The following RHOBTB2 variants were observed in gnomAD, a reference collection of about 807,000 sequenced individuals.
RHOBTB2 encodes rho-related BTB domain-containing protein 2.
RHOBTB2 carries 39 observed loss-of-function variants against 66.5 expected under a neutral mutation model. The ratio of observed to expected loss-of-function variants is 0.59; its 90% CI spans 0.45 to 0.77. The LOEUF (loss-of-function observed/expected upper bound fraction) is 0.77. Ranked by LOEUF, RHOBTB2 falls within the 30% of genes least tolerant of loss-of-function variation. The pLI, the probability that RHOBTB2 is intolerant of heterozygous loss-of-function variation, is 0.00. For synonymous variants in RHOBTB2, 390 were observed against 395.0 expected (o/e 0.99, Z 0.15); for missense variants, 755 against 999.1 (o/e 0.76, Z 3.29).
At position 23,017,227 on chromosome 8, in the gene RHOBTB2, C is replaced by T. The variant is rs761394259; in HGVS notation, c.1967-25C>T. 2 of 1,612,948 alleles carry T rather than the reference C, an allele frequency of 1.2e-6. No homozygotes were observed. Among genetic ancestry groups the T allele is most frequent in the East Asian group, 2.2e-5 (1 of 44,838 alleles). Reference sequence around the variant, plus strand: ...TCTTGTCCCTCTGCCTCCTTTCTAACCAAGCTGCCTGCTCTCTGCTCCAGA... The same window carrying T: ...TCTTGTCCCTCTGCCTCCTTTCTAATCAAGCTGCCTGCTCTCTGCTCCAGA... On this transcript the variant is annotated intron_variant, in intron 9 of 9. Transcript: ENST00000251822. This position sits in a 1 kb window ranked among gnomAD's most constrained non-coding sequence, Gnocchi z 5.3.
At chr8:23,016,855 G>A (rs1367009513) in intron 9 of RHOBTB2, among the ~76,000 whole-genome samples, 3 of 152,128 alleles carry the variant, frequency 2.0e-5, no homozygotes, top group Non-Finnish European at 4.4e-5. Context: ...GTCCTGCTGT[G>A]TCCTGACTCC....
rs1273690245 is a variant in RHOBTB2 at position 23,006,633 on chromosome 8, C to T, written c.483-95C>T. On this transcript the variant is annotated intron_variant, in intron 4 of 9. Transcript: ENST00000251822. The surrounding 1 kb of genome is among the most constrained non-coding windows in gnomAD (Gnocchi z 6.1). ...GGGCAGGAGTGGGTGGGGATTGGCA[C>T]CCAGATCCTGAGCAGAGTCCCTCCA... 3.1e-6 allele frequency: 4 copies of T among 1,276,954 alleles called. No individual in the cohort carries two copies. Among genetic ancestry groups the T allele is most frequent in the African/African-American group, 1.5e-5 (1 of 67,270 alleles). The allele number at this position is 1,276,954 out of a possible 1,614,324, so 79.1% of individuals were successfully genotyped here.
At chr8:22,973,637 T>G in the RHOBTB2 span, among the ~76,000 whole-genome samples, 25,107 of 152,100 alleles carry the variant, frequency 0.17, 2,585 homozygotes, top group Middle Eastern at 0.24. Flanking sequence ...ACTTCCTCAC[T>G]GATGAAACGA....
the RHOBTB2 span, among the ~76,000 whole-genome samples, chr8:22,955,200 C>T: frequency 7.0e-4 from 106 of 152,254 alleles, 2 homozygotes; most frequent in African/African-American, 2.5e-3. Context: ...TCCACTTTCC[C>T]AGAATGTATA....
intron 9 of RHOBTB2, among the ~76,000 whole-genome samples, chr8:23,016,793 G>GC (rs1426048832): frequency 6.6e-6 from 1 of 151,912 alleles, no homozygotes; most frequent in African/African-American, 2.4e-5. Context: ...GTCTTCCATG[G>GC]CCCCCCATAC....
At chr8:23,000,146 C>G in intron 1 of RHOBTB2, 41 bp downstream of exon 1, 11 of 984,736 alleles carry the variant, frequency 1.1e-5, no homozygotes, top group Non-Finnish European at 1.3e-5. Flanking sequence ...GGGTGGCCAG[C>G]AGCCCTTGCA....
the RHOBTB2 span, among the ~76,000 whole-genome samples, chr8:22,969,225 A>G: frequency 2.6e-5 from 4 of 152,194 alleles, no homozygotes; most frequent in Non-Finnish European, 5.9e-5. Context: ...TGACTTATTC[A>G]CTACCACAAG....
intron 7 of RHOBTB2, 105 bp from the exon 8 acceptor site, chr8:23,014,585 G>C (rs1428576243): frequency 9.8e-6 from 10 of 1,025,260 alleles, no homozygotes; most frequent in Non-Finnish European, 1.3e-5. Context: ...GGACCTGCCC[G>C]GGCCCTGGTT....
the RHOBTB2 span, among the ~76,000 whole-genome samples, chr8:22,965,417 A>AAT: frequency 2.4e-3 from 297 of 123,118 alleles, no homozygotes; most frequent in East Asian, 0.012. Flanking sequence ...TTTTTGCAGA[A>AAT]ATAGAAAAAA....
the RHOBTB2 span, among the ~76,000 whole-genome samples, chr8:22,972,535 AC>A: frequency 6.6e-6 from 1 of 152,116 alleles, no homozygotes. Flanking sequence ...CTCCAGTCTC[AC>A]CCACTTCCAC....
chr8:23,005,244 C>T (rs1810911845), intron 2 of RHOBTB2, 128 bp from the exon 3 acceptor site: 1 of 668,236 alleles, frequency 1.5e-6, no homozygotes, highest in African/African-American at 1.8e-5. Context: ...TGGGCGATGC[C>T]AGCCTTGTCC....
chr8:22,995,954 G>T, upstream of RHOBTB2: 1 of 1,428,388 alleles, frequency 7.0e-7, no homozygotes, highest in South Asian at 1.2e-5. Flanking sequence ...TTGGAGGATG[G>T]ACTGAGCCAG....
In RHOBTB2 at chr8:23,006,238, T is replaced by C. The variant is rs60272672; in HGVS notation, c.482+93T>C. Reference sequence around the variant, plus strand: ...TGGGGGAATTCCACTGAGCCTCATATCTCTCCCTCCATTTGGAGCAAGCTT... The same window carrying C: ...TGGGGGAATTCCACTGAGCCTCATACCTCTCCCTCCATTTGGAGCAAGCTT... On this transcript the variant is annotated intron_variant, in intron 4 of 9. Transcript: ENST00000251822. The surrounding 1 kb of genome is among the most constrained non-coding windows in gnomAD (Gnocchi z 6.1). The C allele has an allele frequency of 1.8e-3, 1,992 of 1,087,286 alleles. 27 individuals carry two copies. The African/African-American group carries it at 0.028, about 15-fold the overall frequency. The allele number at this position is 1,087,286 out of a possible 1,614,324, so 67.4% of individuals were successfully genotyped here.
chr8:22,993,764 A>G (rs1810479757), intron 2 of RHOBTB2, among the ~76,000 whole-genome samples: 1 of 152,162 alleles, frequency 6.6e-6, no homozygotes, highest in Non-Finnish European at 1.5e-5. Context: ...ATCCTCCCTG[A>G]ACCACACAGT....
chr8:22,995,874 G>A (rs1188313033), upstream of RHOBTB2: 1 of 1,551,686 alleles, frequency 6.4e-7, no homozygotes, highest in Non-Finnish European at 8.7e-7. Context: ...GGGGTGCCAT[G>A]AAAGCGCGGT....
chr8:22,992,890 G>A (rs1185318308), intron 2 of RHOBTB2, among the ~76,000 whole-genome samples: 1 of 152,240 alleles, frequency 6.6e-6, no homozygotes, highest in Non-Finnish European at 1.5e-5. Flanking sequence ...AATGGGCACA[G>A]GAGTCTGCAT....
upstream of RHOBTB2, among the ~76,000 whole-genome samples, chr8:22,998,128 G>A (rs1810628784): frequency 6.6e-6 from 1 of 152,188 alleles, no homozygotes; most frequent in African/African-American, 2.4e-5. Context: ...CATTGACCAG[G>A]TAGGTAGGCA....
the RHOBTB2 span, among the ~76,000 whole-genome samples, chr8:22,971,343 C>G: frequency 7.9e-6 from 1 of 127,260 alleles, no homozygotes; most frequent in Non-Finnish European, 1.6e-5. Context: ...TGTCACTACG[C>G]CCATCTATTT....
chr8:22,970,660 C>A, the RHOBTB2 span, among the ~76,000 whole-genome samples: 1 of 151,820 alleles, frequency 6.6e-6, no homozygotes, highest in African/African-American at 2.4e-5. Context: ...GTATCTCACC[C>A]TGTTGCCCAG....
Sources: gnomAD v4.1 joint callset for allele counts (sites outside exome capture counted in the v4.1 genomes callset) on GRCh38, gnomAD v4.1.1 for gene constraint, Gnocchi (gnomAD v3.1) non-coding constraint, MANE v1.5 for transcripts, NCBI Gene and HGNC (gene_info 2026-07-23, HGNC 2026-07-21) for gene names.